The following OR52N2 variants were observed in gnomAD, a reference collection of about 807,000 sequenced individuals.
OR52N2 encodes the protein olfactory receptor family 52 subfamily N member 2, also known as olfactory receptor 52N2.
For missense variants in OR52N2, 326 were observed against 196.6 expected (o/e 1.66, Z -3.94); for synonymous variants, 129 against 72.0 (o/e 1.79, Z -4.01).
intron 1 of OR52N2, among the ~76,000 whole-genome samples, chr11:5,809,903 A>G (rs1846341626): frequency 6.6e-6 from 1 of 152,366 alleles, no homozygotes; most frequent in South Asian, 2.1e-4. Flanking sequence ...ATTTAGTACA[A>G]GAAGATACTG....
Position 5,820,603 on chromosome 11 carries a change from A to G in OR52N2, c.268A>G (p.Asn90Asp). 1 of 782,460 alleles carries G rather than the reference A, an allele frequency of 1.3e-6. No individual in the cohort carries two copies. Among genetic ancestry groups the G allele is most frequent in the Non-Finnish European group, 2.4e-6 (1 of 419,444 alleles). The allele number at this position is 782,460 out of a possible 1,614,324, so 48.5% of individuals were successfully genotyped here. The change falls in exon 2 of 2, where the codon AAC becomes GAC. Residue 90 changes from asparagine (N) to aspartate (D), a missense_variant. By Grantham distance (23) the Asn-to-Asp change is conservative (BLOSUM62 1). Coordinates refer to ENST00000317037, the MANE Select transcript of OR52N2 (RefSeq NM_001005174.3). Reference protein sequence around the residue: ...VPNMLCIFWFNLKEIDFNACL... With the variant: ...VPNMLCIFWFDLKEIDFNACL... ...TAATATGCTGTGCATATTCTGGTTC[A>G]ACCTCAAGGAGATTGACTTTAACGC...
intron 1 of OR52N2, among the ~76,000 whole-genome samples, chr11:5,818,961 T>C (rs912185105): frequency 2.6e-5 from 4 of 151,524 alleles, no homozygotes; most frequent in Non-Finnish European, 4.4e-5. Context: ...TTCTGAAACA[T>C]GTGGTTGCTT....
chr11:5,815,670 T>A (rs917727663), intron 1 of OR52N2, among the ~76,000 whole-genome samples: 1 of 152,100 alleles, frequency 6.6e-6, no homozygotes, highest in Non-Finnish European at 1.5e-5. Context: ...AGTATGGTAG[T>A]TCCTCAAAAA....
At position 5,820,463 on chromosome 11, in the gene OR52N2, G is replaced by C. The variant is rs1846438187; in HGVS notation, c.128G>C (p.Gly43Ala). The change falls in exon 2 of 2, where the codon GGG becomes GCG. Residue 43 changes from glycine (G) to alanine (A), a missense_variant. Coordinates refer to ENST00000317037, the MANE Select transcript of OR52N2 (RefSeq NM_001005174.3). ...FCFMYIIAVV[G>A]NCGLICLISH... The stretch of plus-strand genomic sequence containing the variant: ...TTTATGTACATCATTGCTGTCGTGG[G>C]GAACTGTGGGCTCATCTGCCTCATC... 7.7e-6 allele frequency: 6 copies of C among 779,922 alleles called. No homozygotes were observed. Among genetic ancestry groups the C allele is most frequent in the Non-Finnish European group, 1.4e-5 (6 of 417,648 alleles). The allele number at this position is 779,922 out of a possible 1,614,324, so 48.3% of individuals were successfully genotyped here. A position where few individuals can be genotyped will look rare whatever the true frequency, so the allele number is the denominator to read the frequency against.
Position 5,820,353 on chromosome 11 carries a change from C to G in OR52N2, c.18C>G (p.Ser6Arg). The G allele has an allele frequency of 1.3e-6, 1 of 780,882 alleles. No individual in the cohort carries two copies. Among genetic ancestry groups the G allele is most frequent in the Non-Finnish European group, 2.4e-6 (1 of 418,052 alleles). The allele number at this position is 780,882 out of a possible 1,614,324, so 48.4% of individuals were successfully genotyped here. A position where few individuals can be genotyped will look rare whatever the true frequency, so the allele number is the denominator to read the frequency against. The change falls in exon 2 of 2, where the codon AGC (serine) becomes AGG (arginine). Residue 6 changes from serine to arginine, a missense_variant. Transcript: ENST00000317037. ...CAGCCATCATGTCTGGGGACAACAG[C>G]TCCAGCCTGACCCCAGGATTCTTTA... MSGDN[S>R]SSLTPGFFIL...
rs1412854145 is a variant in OR52N2 at position 5,808,931 on chromosome 11, G to A, written c.-178G>A. 1.3e-5 allele frequency among the ~76,000 whole-genome samples: 2 copies of A among 152,184 alleles called. No individual in the cohort carries two copies. The highest frequency in any genetic ancestry group is 3.9e-4 in the East Asian group (2 of 5,150). ...TGTGCACAGAGTTTACCTGGTCACCGCGGTATTGCAAGCCTCTCCTCCTCG... is the reference window on the plus strand; with the variant it reads ...TGTGCACAGAGTTTACCTGGTCACCACGGTATTGCAAGCCTCTCCTCCTCG... On this transcript the variant is annotated 5_prime_UTR_variant, in exon 1 of 2. Coordinates refer to ENST00000317037, the MANE Select transcript of OR52N2 (RefSeq NM_001005174.3).
intron 1 of OR52N2, among the ~76,000 whole-genome samples, chr11:5,817,487 T>C (rs1294816539): frequency 3.9e-5 from 6 of 152,160 alleles, no homozygotes; most frequent in Admixed American, 3.9e-4. Flanking sequence ...GGTGGATGAC[T>C]AATAAATATA....
chr11:5,819,662 C>G (rs1453139457), intron 1 of OR52N2, among the ~76,000 whole-genome samples: 2 of 152,108 alleles, frequency 1.3e-5, no homozygotes, highest in African/African-American at 4.8e-5. Context: ...GTTTGAGTAT[C>G]AGACATACCA....
chr11:5,815,407 T>C (rs1846396272), intron 1 of OR52N2, among the ~76,000 whole-genome samples: 1 of 151,850 alleles, frequency 6.6e-6, no homozygotes, highest in African/African-American at 2.4e-5. Flanking sequence ...TAATAAGAAA[T>C]GGGCAAAGGA....
At chr11:5,814,972 A>G (rs1260779605) in intron 1 of OR52N2, among the ~76,000 whole-genome samples, 1 of 152,224 alleles carries the variant, frequency 6.6e-6, no homozygotes, top group Non-Finnish European at 1.5e-5. Flanking sequence ...CAATGTTGAA[A>G]GGACATTCTT....
chr11:5,820,256 T>C (rs1381258333), intron 1 of OR52N2, 26 bp from the exon 2 acceptor site: 4 of 725,918 alleles, frequency 5.5e-6, no homozygotes, highest in East Asian at 2.4e-5. Context: ...TTATCTCGTC[T>C]CTAACTCTCC....
At chr11:5,815,379 CA>C (rs935141960) in intron 1 of OR52N2, among the ~76,000 whole-genome samples, 8 of 151,796 alleles carry the variant, frequency 5.3e-5, no homozygotes, top group African/African-American at 1.5e-4. Context: ...TAAACCTCAA[CA>C]ACAACAACAA....
At chr11:5,812,320 C>G (rs1317630643) in intron 1 of OR52N2, among the ~76,000 whole-genome samples, 1 of 140,306 alleles carries the variant, frequency 7.1e-6, no homozygotes, top group East Asian at 2.0e-4. Flanking sequence ...CGGTGAAACC[C>G]TGTATCTACT....
Position 5,820,779 on chromosome 11 carries a change from T to G in OR52N2, c.444T>G (p.Leu148=), listed in dbSNP as rs1220118675. The part of the protein sequence containing the change: ...LTNPVIAKAG[L]ATFLRNVMLI... ...ACCCTGTCATCGCCAAGGCTGGTCT[T>G]GCCACCTTCTTGAGGAATGTGATGC... Residue 148 remains leucine, a synonymous_variant, in exon 2 of 2, where the codon CTT becomes CTG. Transcript: ENST00000317037. 2.6e-6 allele frequency: 2 copies of G among 771,962 alleles called. No individual in the cohort carries two copies. The allele number at this position is 771,962 out of a possible 1,614,324, so 47.8% of individuals were successfully genotyped here. A position where few individuals can be genotyped will look rare whatever the true frequency, so the allele number is the denominator to read the frequency against.
intron 1 of OR52N2, among the ~76,000 whole-genome samples, chr11:5,811,743 G>A (rs1846362466): frequency 6.6e-6 from 1 of 152,064 alleles, no homozygotes; most frequent in Non-Finnish European, 1.5e-5. Flanking sequence ...AAAGCAAAAT[G>A]ATTAAATTCT....
At chr11:5,813,797 C>T (rs1323196716) in intron 1 of OR52N2, among the ~76,000 whole-genome samples, 2 of 152,124 alleles carry the variant, frequency 1.3e-5, no homozygotes, top group African/African-American at 4.8e-5. Context: ...ACCGAATCAA[C>T]AGCACAGTAA....
rs977055784 is a variant in OR52N2, at chr11:5,820,316, C to T, written c.-20C>T. On this transcript the variant is annotated 5_prime_UTR_variant, in exon 2 of 2. Transcript: ENST00000317037. ...AATGGCTGCTAAAGAGTATAAAATG[C>T]TCTCCTCCTGTCAGCCATCATGTCT... The T allele has an allele frequency of 6.4e-6, 5 of 777,928 alleles. No homozygotes were observed. Among genetic ancestry groups the T allele is most frequent in the South Asian group, 1.3e-5 (1 of 74,112 alleles). 48.2% of individuals were successfully genotyped at this position (777,928 alleles called of 1,614,324 possible). A position where few individuals can be genotyped will look rare whatever the true frequency, so the allele number is the denominator to read the frequency against.
chr11:5,813,591 T>G (rs899860320), intron 1 of OR52N2, among the ~76,000 whole-genome samples: 5 of 152,194 alleles, frequency 3.3e-5, no homozygotes, highest in Admixed American at 2.6e-4. Flanking sequence ...TGCTGAATTC[T>G]ACCGAACATT....
In OR52N2 at chr11:5,821,037, T is replaced by C. The variant is rs1040451671; in HGVS notation, c.702T>C (p.Asp234=). The change falls in exon 2 of 2, where the codon GAT becomes GAC. Residue 234 remains aspartate (D), a synonymous_variant. Coordinates refer to ENST00000317037, the MANE Select transcript of OR52N2 (RefSeq NM_001005174.3). ...LQAVMSLSSA[D]ARHKAFSTCT... is the part of the protein sequence containing the mutation. ...CTGTTATGAGCCTGTCATCAGCAGA[T>C]GCTCGTCACAAAGCCTTCAGCACCT... 3 of 780,954 alleles carry C rather than the reference T, an allele frequency of 3.8e-6. No individual in the cohort carries two copies. The highest frequency in any genetic ancestry group is 1.7e-5 in the African/African-American group (1 of 59,154). 48.4% of individuals were successfully genotyped at this position (780,954 alleles called of 1,614,324 possible). A position where few individuals can be genotyped will look rare whatever the true frequency, so the allele number is the denominator to read the frequency against.
Sources: gnomAD v4.1 joint callset for allele counts (sites outside exome capture counted in the v4.1 genomes callset) on GRCh38, gnomAD v4.1.1 for gene constraint, MANE v1.5 for transcripts, NCBI Gene and HGNC (gene_info 2026-07-23, HGNC 2026-07-21) for gene names.